SOX5: variants seen among roughly 807,000 people sequenced by gnomAD.
SOX5 encodes the protein transcription factor SOX-5.
In SOX5, 9 loss-of-function variants were observed where a neutral mutation model predicts 92.0. The observed-to-expected ratio is 0.10, with a 90% CI of 0.06 to 0.17. The LOEUF (loss-of-function observed/expected upper bound fraction) is 0.17, where lower values mean the gene tolerates loss of function less well. SOX5 is among the 10% of genes least tolerant of loss of function. SOX5 has a pLI of 1.00. For synonymous variants in SOX5, 344 were observed against 336.3 expected (o/e 1.02, Z -0.25); for missense variants, 642 against 944.5 (o/e 0.68, Z 4.20).
At chr12:23,943,490 T>G (rs746103564) in intron 1 of SOX5, among the ~76,000 whole-genome samples, 10 of 152,064 alleles carry the variant, frequency 6.6e-5, no homozygotes, top group Non-Finnish European at 1.2e-4. Flanking sequence ...AGCATCCTCA[T>G]ATTGCATGAT....
intron 1 of SOX5, among the ~76,000 whole-genome samples, chr12:23,917,536 G>A (rs2138670246): frequency 6.6e-6 from 1 of 152,174 alleles, no homozygotes; most frequent in East Asian, 1.9e-4. Context: ...CTGGGTGAAA[G>A]AATGAGACGC....
chr12:24,133,828 AG>A (rs1949875883), intron 4 of SOX5, among the ~76,000 whole-genome samples: 3 of 152,342 alleles, frequency 2.0e-5, no homozygotes, highest in African/African-American at 4.8e-5. Flanking sequence ...GAAAACAGAC[AG>A]CCAGAGAAAT....
At chr12:23,951,031 C>A, upstream of SOX5, 1 of 636,110 alleles carries the variant, frequency 1.6e-6, no homozygotes, top group Admixed American at 2.2e-5. Context: ...TCCACTCCTA[C>A]TGGGAGGGTT....
At chr12:23,626,396 T>C (rs965945956) in intron 8 of SOX5, among the ~76,000 whole-genome samples, 4 of 152,200 alleles carry the variant, frequency 2.6e-5, no homozygotes, top group African/African-American at 9.6e-5. Flanking sequence ...CTAGCCCTGG[T>C]CTGACCTGCT....
At chr12:24,545,163 C>A (rs969363500) in intron 1 of SOX5, among the ~76,000 whole-genome samples, 1 of 152,102 alleles carries the variant, frequency 6.6e-6, no homozygotes, top group African/African-American at 2.4e-5. Context: ...ATAAAGAGAC[C>A]CCATCACCAC....
intron 4 of SOX5, among the ~76,000 whole-genome samples, chr12:24,123,159 A>G (rs1327950414): frequency 1.3e-5 from 2 of 152,206 alleles, no homozygotes; most frequent in African/African-American, 4.8e-5. Context: ...GAACTTCCTC[A>G]GTGCCCATTT....
chr12:23,824,018 A>G (rs1352634454), intron 3 of SOX5, among the ~76,000 whole-genome samples: 2 of 151,964 alleles, frequency 1.3e-5, no homozygotes, highest in Non-Finnish European at 2.9e-5. Flanking sequence ...AATTTGTCTA[A>G]CCTTTTTTCA....
intron 4 of SOX5, among the ~76,000 whole-genome samples, chr12:23,741,462 T>C (rs967499678): frequency 1.3e-5 from 2 of 152,178 alleles, no homozygotes; most frequent in South Asian, 2.1e-4. Context: ...GTACAGTTCT[T>C]GGCCTTAAGT....
intron 6 of SOX5, among the ~76,000 whole-genome samples, chr12:23,713,647 C>T (rs1030420874): frequency 6.8e-6 from 1 of 146,926 alleles, no homozygotes; most frequent in Non-Finnish European, 1.5e-5. Flanking sequence ...TCCAGTGTCT[C>T]TGTGTGTGTG....
intron 6 of SOX5, among the ~76,000 whole-genome samples, chr12:23,702,104 T>C (rs2090723310): frequency 6.6e-6 from 1 of 152,090 alleles, no homozygotes; most frequent in African/African-American, 2.4e-5. Context: ...CAGATTCATA[T>C]CTCTTATACG....
intron 1 of SOX5, among the ~76,000 whole-genome samples, chr12:24,459,248 G>A (rs935583066): frequency 1.3e-5 from 2 of 152,016 alleles, no homozygotes; most frequent in Non-Finnish European, 2.9e-5. Flanking sequence ...GGTTTCTTGC[G>A]CACGCTCCAT....
chr12:24,019,693 A>C (rs1006997123), intron 4 of SOX5, among the ~76,000 whole-genome samples: 1 of 152,204 alleles, frequency 6.6e-6, no homozygotes, highest in Non-Finnish European at 1.5e-5. Flanking sequence ...AGATCCTCAC[A>C]AGTTCACTGC....
chr12:23,577,172 C>CATAT (rs1565972314), intron 9 of SOX5, among the ~76,000 whole-genome samples: 1 of 85,214 alleles, frequency 1.2e-5, no homozygotes, highest in African/African-American at 3.9e-5. Context: ...CACACACACA[C>CATAT]ACACATATAT....
At chr12:23,554,217 G>C (rs1944715991) in intron 11 of SOX5, among the ~76,000 whole-genome samples, 1 of 152,006 alleles carries the variant, frequency 6.6e-6, no homozygotes, top group Non-Finnish European at 1.5e-5. Context: ...TTGCTTTCTT[G>C]GTTCTTTCTC....
At chr12:24,103,030 G>A (rs1292559580) in intron 4 of SOX5, among the ~76,000 whole-genome samples, 3 of 152,176 alleles carry the variant, frequency 2.0e-5, no homozygotes, top group Non-Finnish European at 2.9e-5. Context: ...ACATAGGAAC[G>A]GTGAGGATGT....
intron 1 of SOX5, among the ~76,000 whole-genome samples, chr12:24,541,320 A>G (rs1357305844): frequency 6.6e-6 from 1 of 152,220 alleles, no homozygotes; most frequent in Non-Finnish European, 1.5e-5. Flanking sequence ...GCACTTCGGT[A>G]AAAGGTTGCT....
intron 8 of SOX5, among the ~76,000 whole-genome samples, chr12:23,630,033 A>G (rs1333513761): frequency 6.6e-6 from 1 of 151,982 alleles, no homozygotes; most frequent in Non-Finnish European, 1.5e-5. Context: ...TAGTGTATCA[A>G]GGACATGTAT....
intron 3 of SOX5, among the ~76,000 whole-genome samples, chr12:23,823,901 T>C (rs4441110): frequency 1 from 152,328 of 152,330 alleles, 76,163 homozygotes; most frequent in Middle Eastern, 1. Flanking sequence ...TTCGTTTATT[T>C]GATTCAGCTG....
chr12:23,710,897 C>A (rs981770690), intron 6 of SOX5, among the ~76,000 whole-genome samples: 8 of 152,184 alleles, frequency 5.3e-5, no homozygotes, highest in African/African-American at 1.9e-4. Flanking sequence ...TCCTCTCCAG[C>A]ACCTGTTGTT....
Sources: gnomAD v4.1 joint callset for allele counts (sites outside exome capture counted in the v4.1 genomes callset) on GRCh38, gnomAD v4.1.1 for gene constraint, MANE v1.5 for transcripts, NCBI Gene and HGNC (gene_info 2026-07-23, HGNC 2026-07-21) for gene names.